POLK: variants seen among roughly 807,000 people sequenced by gnomAD.
POLK encodes DNA polymerase kappa, also known as polymerase (DNA directed) kappa.
Under a neutral mutation model 94.0 loss-of-function variants are expected in POLK, and 76 were observed. That is an observed-to-expected ratio of 0.81 (90% CI 0.67 to 0.98). The LOEUF (loss-of-function observed/expected upper bound fraction) is 0.98, where lower values mean the gene tolerates loss of function less well. Among genes scored for constraint, POLK ranks in the 50% least tolerant of loss-of-function variants. POLK has a pLI of 0.00. For missense variants in POLK, 954 were observed against 1,010.1 expected, an observed-to-expected ratio of 0.94 and a Z score of 0.75; for synonymous variants, 349 against 325.4, an observed-to-expected ratio of 1.07 and a Z score of -0.78.
At chr5:75,567,910 C>CT in intron 3 of POLK, among the ~76,000 whole-genome samples, 1 of 152,270 alleles carries the variant, frequency 6.6e-6, no homozygotes, top group South Asian at 2.1e-4. Context: ...ACTGTACCTC[C>CT]TGTAGACAAA....
At chr5:75,588,098 A>AG (rs1241603525) in intron 10 of POLK, among the ~76,000 whole-genome samples, 2 of 141,368 alleles carry the variant, frequency 1.4e-5, no homozygotes, top group Non-Finnish European at 3.1e-5. Flanking sequence ...AGAGAGAGAG[A>AG]AAAAAAAAAT....
chr5:75,538,671 G>A (rs954589291), intron 1 of POLK: 1 of 151,994 alleles, frequency 6.6e-6, no homozygotes, highest in South Asian at 2.1e-4. Flanking sequence ...CTCATCAATT[G>A]AGAATAATTA....
At chr5:75,578,438 T>G (rs1356630391) in intron 6 of POLK, among the ~76,000 whole-genome samples, 1 of 152,236 alleles carries the variant, frequency 6.6e-6, no homozygotes, top group East Asian at 1.9e-4. Flanking sequence ...ATTACAGGCA[T>G]GAGCCACCAC....
At chr5:75,564,189 C>A (rs1378121795) in intron 3 of POLK, among the ~76,000 whole-genome samples, 2 of 152,152 alleles carry the variant, frequency 1.3e-5, no homozygotes, top group Non-Finnish European at 2.9e-5. Context: ...GGTTTAAAAT[C>A]TGTTTTATCG....
In POLK at chr5:75,535,909, C is replaced by A. The variant is rs562018981; in HGVS notation, c.-13-11101C>A. ...TGGGTTTTGACTGTCTCCTATATGTCAGTGATCTTTGTTCCTATCCATATT... is the reference window on the plus strand; with the variant it reads ...TGGGTTTTGACTGTCTCCTATATGTAAGTGATCTTTGTTCCTATCCATATT... On this transcript the variant is annotated intron_variant, in intron 1 of 14. Transcript: ENST00000241436. 9.2e-5 allele frequency among the ~76,000 whole-genome samples: 14 copies of A among 152,278 alleles called. No individual in the cohort carries two copies. In the East Asian group the frequency reaches 2.1e-3, roughly 23 times the overall value.
At chr5:75,589,564 C>A (rs924080458) in intron 10 of POLK, among the ~76,000 whole-genome samples, 1 of 152,120 alleles carries the variant, frequency 6.6e-6, no homozygotes, top group Non-Finnish European at 1.5e-5. Flanking sequence ...CATTCTCCTG[C>A]CTCAGCTTCC....
chr5:75,526,691 C>T (rs1349789735), intron 1 of POLK, among the ~76,000 whole-genome samples: 1 of 150,622 alleles, frequency 6.6e-6, no homozygotes, highest in Non-Finnish European at 1.5e-5. Context: ...AATTGATTCT[C>T]GTGCCTTAGC....
rs140188514 is a variant in POLK at position 75,596,172 on chromosome 5, G to A, written c.1529-50G>A. The A allele has an allele frequency of 1.2e-3, 1,293 of 1,036,912 alleles. 10 individuals carry two copies. The East Asian group carries it at 0.02, about 16-fold the overall frequency. 64.2% of individuals were successfully genotyped at this position (1,036,912 alleles called of 1,614,324 possible). A position where few individuals can be genotyped will look rare whatever the true frequency, so the allele number is the denominator to read the frequency against. The stretch of plus-strand genomic sequence containing the variant: ...GACAAAATGTTTTTATGCATTGTGA[G>A]TGAATTGGCTTTGTTCAATTTGAAA... On this transcript the variant is annotated intron_variant, in intron 12 of 14. Coordinates refer to ENST00000241436, the Ensembl canonical transcript of POLK.
chr5:75,511,634 T>A (rs1309679375), upstream of POLK: 26 of 1,482,390 alleles, frequency 1.8e-5, no homozygotes, highest in Admixed American at 2.3e-5. Flanking sequence ...CTATTTACCC[T>A]CCCCTCCCCT....
chr5:75,597,060 A>G (rs961989731), exon 13 of POLK: 11 of 1,613,192 alleles, frequency 6.8e-6, no homozygotes, highest in South Asian at 1.1e-5. Context: ...AAAAGACTTC[A>G]GATCTAACCC....
At chr5:75,511,322 C>T (rs1240577475), upstream of POLK, 2 of 1,547,370 alleles carry the variant, frequency 1.3e-6, no homozygotes, top group African/African-American at 2.7e-5. Context: ...GTGCCCGCTC[C>T]GGTGTGGGGG....
intron 3 of POLK, among the ~76,000 whole-genome samples, chr5:75,554,702 A>G (rs1770513781): frequency 6.6e-6 from 1 of 151,968 alleles, no homozygotes. Flanking sequence ...GTTCCCTTGT[A>G]TGTGTCCATG....
intron 1 of POLK, among the ~76,000 whole-genome samples, chr5:75,529,047 G>C (rs955356093): frequency 6.6e-6 from 1 of 152,066 alleles, no homozygotes; most frequent in African/African-American, 2.4e-5. Flanking sequence ...AGATTCCTTA[G>C]AATACCTAAT....
At position 75,528,504 on chromosome 5, in the gene POLK, T is replaced by C. The variant is rs920663364; in HGVS notation, c.-14+16590T>C. Among the ~76,000 whole-genome samples, 13 of 152,254 alleles carry C rather than the reference T, an allele frequency of 8.5e-5. No individual in the cohort carries two copies. The South Asian group carries it at 2.7e-3, about 32-fold the overall frequency. The stretch of plus-strand genomic sequence containing the variant: ...TGAACTTTTATCATTGGAATAAACA[T>C]TGATGCTATATTAAAATTAGAGTGT... On this transcript the variant is annotated intron_variant, in intron 1 of 14. Transcript: ENST00000241436.
chr5:75,531,383 G>GTATATAGCTATTTACACCAGTATATAA (rs1300756696), intron 1 of POLK, among the ~76,000 whole-genome samples: 1 of 151,466 alleles, frequency 6.6e-6, no homozygotes, highest in African/African-American at 2.4e-5. Context: ...ATAGCTACCA[G>GTATATAGCTATTTACACCAGTATATAA]TATATAGCTA....
rs761136171 is a variant in POLK at position 75,552,471 on chromosome 5, G to A, written c.136-1G>A. 5 of 1,609,990 alleles carry A rather than the reference G, an allele frequency of 3.1e-6. No individual in the cohort carries two copies. In the South Asian group the frequency reaches 3.3e-5, roughly 11 times the overall value. ...ATGCTTTGTTTTGTTTTCCTCCATA[G>A]GGGTCCAGATTTTATGGAAATGAGC... On this transcript the variant is annotated splice_acceptor_variant, in intron 2 of 14. Coordinates refer to ENST00000241436, the Ensembl canonical transcript of POLK. LOFTEE classifies it high-confidence loss of function.
intron 4 of POLK, among the ~76,000 whole-genome samples, chr5:75,570,820 CT>C (rs1159730920): frequency 2.2e-4 from 33 of 152,276 alleles, no homozygotes; most frequent in African/African-American, 7.9e-4. Context: ...AAAACTAATT[CT>C]TACTGAGTGA....
At chr5:75,517,460 A>G (rs1229431644) in intron 1 of POLK, among the ~76,000 whole-genome samples, 1 of 152,206 alleles carries the variant, frequency 6.6e-6, no homozygotes, top group Non-Finnish European at 1.5e-5. Flanking sequence ...AAATAAAAAA[A>G]AGTCTGTACT....
chr5:75,511,898 C>T (rs1050995574), exon 1 of POLK: 3 of 1,417,012 alleles, frequency 2.1e-6, no homozygotes, highest in Non-Finnish European at 2.9e-6. Context: ...GTTGTAGTCG[C>T]GATCCTGAGG....
Sources: allele counts gnomAD v4.1 joint callset (sites outside exome capture counted in the v4.1 genomes callset), GRCh38; gene constraint gnomAD v4.1.1; transcripts MANE v1.5; gene names NCBI Gene and HGNC (gene_info 2026-07-23, HGNC 2026-07-21).